Variants in MYLK4 observed in about 807,000 individuals in gnomAD.
MYLK4 encodes myosin light chain kinase family member 4.
MYLK4 carries 46 observed loss-of-function variants against 48.1 expected under a neutral mutation model. That is an observed-to-expected ratio of 0.96 (90% CI 0.75 to 1.22). MYLK4 has a LOEUF of 1.22. Among genes scored for constraint, MYLK4 ranks in the 50% most tolerant of loss-of-function variants. MYLK4 has a pLI of 0.00. For missense variants in MYLK4, 451 were observed against 486.1 expected (o/e 0.93, Z 0.68); for synonymous variants, 170 against 180.8 (o/e 0.94, Z 0.48).
chr6:2,717,415 C>T (rs1333616762), intron 2 of MYLK4, among the ~76,000 whole-genome samples: 2 of 152,214 alleles, frequency 1.3e-5, no homozygotes, highest in African/African-American at 4.8e-5. Flanking sequence ...CCTCACACCT[C>T]TCGAAATCCA....
At chr6:2,768,307 C>CT in the MYLK4 span, among the ~76,000 whole-genome samples, 1 of 152,166 alleles carries the variant, frequency 6.6e-6, no homozygotes, top group Admixed American at 6.5e-5. Flanking sequence ...TCCTTCCGTG[C>CT]TGTCTCGGCT....
chr6:2,728,332 G>T (rs1400909266), intron 2 of MYLK4, among the ~76,000 whole-genome samples: 1 of 152,128 alleles, frequency 6.6e-6, no homozygotes, highest in African/African-American at 2.4e-5. Context: ...AATGAGAGGG[G>T]TCTGAGTCCC....
chr6:2,745,175 C>T (rs573910419), intron 2 of MYLK4, among the ~76,000 whole-genome samples: 7 of 152,164 alleles, frequency 4.6e-5, no homozygotes, highest in East Asian at 1.9e-4. Context: ...TATCACCAGG[C>T]ACATTTGTGT....
At chr6:2,725,626 GGAAA>G (rs1407636616) in intron 2 of MYLK4, among the ~76,000 whole-genome samples, 52 of 130,438 alleles carry the variant, frequency 4.0e-4, no homozygotes, top group African/African-American at 1.5e-3. Flanking sequence ...AAACAAAGAA[GGAAA>G]GAAAGAAAGA....
intron 2 of MYLK4, among the ~76,000 whole-genome samples, chr6:2,747,254 T>G (rs1315851699): frequency 6.6e-6 from 1 of 152,148 alleles, no homozygotes; most frequent in Non-Finnish European, 1.5e-5. Flanking sequence ...CTAAAAATAT[T>G]TAACTTCCAA....
intron 2 of MYLK4, among the ~76,000 whole-genome samples, chr6:2,707,074 T>C (rs1439868044): frequency 6.6e-6 from 1 of 152,230 alleles, no homozygotes; most frequent in Non-Finnish European, 1.5e-5. Flanking sequence ...CACAGGAACA[T>C]ACCTGCACAA....
chr6:2,669,740 T>G (rs1205402483), intron 12 of MYLK4, among the ~76,000 whole-genome samples: 1 of 152,180 alleles, frequency 6.6e-6, no homozygotes, highest in Admixed American at 6.5e-5. Context: ...TGCTCCAGGT[T>G]GTCCTCACAA....
chr6:2,767,766 C>T, the MYLK4 span, among the ~76,000 whole-genome samples: 3 of 152,196 alleles, frequency 2.0e-5, no homozygotes, highest in Non-Finnish European at 4.4e-5. Context: ...CTCATCCCAC[C>T]TACCAAATGC....
At chr6:2,745,329 C>T (rs778189603) in intron 2 of MYLK4, among the ~76,000 whole-genome samples, 75 of 152,244 alleles carry the variant, frequency 4.9e-4, no homozygotes, top group Non-Finnish European at 1.5e-4. Context: ...CCAGATTCAA[C>T]TGTACAAAAA....
At chr6:2,693,361 A>T (rs1397547760) in intron 2 of MYLK4, among the ~76,000 whole-genome samples, 2 of 152,238 alleles carry the variant, frequency 1.3e-5, no homozygotes, top group East Asian at 3.8e-4. Flanking sequence ...TGACATATAA[A>T]TCAAATAGAA....
chr6:2,770,321 C>A, the MYLK4 span: 1 of 1,614,178 alleles, frequency 6.2e-7, no homozygotes, highest in Non-Finnish European at 8.5e-7. Flanking sequence ...CTCTAGCCGT[C>A]CCACTGACCC....
chr6:2,691,888 C>T (rs9503253), intron 3 of MYLK4, among the ~76,000 whole-genome samples: 19,706 of 152,048 alleles, frequency 0.13, 1,328 homozygotes, highest in East Asian at 0.24. Flanking sequence ...GCTTCAAACT[C>T]TCTTCATTTA....
chr6:2,700,996 C>G (rs139384726), intron 2 of MYLK4, among the ~76,000 whole-genome samples: 2 of 152,184 alleles, frequency 1.3e-5, no homozygotes, highest in Non-Finnish European at 2.9e-5. Flanking sequence ...AAAAACTGTG[C>G]AGTGAGGCTA....
At chr6:2,728,976 T>TTGGCAATAGAA (rs1343279937) in intron 2 of MYLK4, among the ~76,000 whole-genome samples, 1 of 152,208 alleles carries the variant, frequency 6.6e-6, no homozygotes, top group Non-Finnish European at 1.5e-5. Flanking sequence ...ATCATAGGGC[T>TTGGCAATAGAA]TGGCAATAGA....
At chr6:2,670,226 C>T (rs1443326915) in intron 12 of MYLK4, among the ~76,000 whole-genome samples, 2 of 152,046 alleles carry the variant, frequency 1.3e-5, no homozygotes, top group African/African-American at 2.4e-5. Flanking sequence ...CTTAGCCTGG[C>T]GTGGTGGCAG....
intron 2 of MYLK4, among the ~76,000 whole-genome samples, chr6:2,723,691 G>A (rs1039351662): frequency 3.3e-5 from 5 of 151,992 alleles, no homozygotes; most frequent in Non-Finnish European, 7.4e-5. Context: ...AGAAGTGGTC[G>A]GGCTGTGGGT....
intron 2 of MYLK4, among the ~76,000 whole-genome samples, chr6:2,729,886 T>G (rs1763416121): frequency 6.6e-6 from 1 of 152,234 alleles, no homozygotes; most frequent in African/African-American, 2.4e-5. Flanking sequence ...GCTGGGCCAC[T>G]GGGCCGAAAG....
chr6:2,703,967 TC>T (rs1762396748), intron 2 of MYLK4, among the ~76,000 whole-genome samples: 1 of 152,084 alleles, frequency 6.6e-6, no homozygotes, highest in South Asian at 2.1e-4. Context: ...TCTTAAACAC[TC>T]CCCTCCCATA....
chr6:2,680,968 G>A (rs1170368081), intron 7 of MYLK4, among the ~76,000 whole-genome samples: 1 of 152,132 alleles, frequency 6.6e-6, no homozygotes, highest in African/African-American at 2.4e-5. Context: ...GGGGTGCAGG[G>A]GGAGAAAATG....
Sources: allele counts gnomAD v4.1 joint callset (sites outside exome capture counted in the v4.1 genomes callset), GRCh38; gene constraint gnomAD v4.1.1; transcripts MANE v1.5; gene names NCBI Gene and HGNC (gene_info 2026-07-23, HGNC 2026-07-21).